The following MID1 variants were observed in gnomAD, a reference collection of about 807,000 sequenced individuals.
MID1 encodes E3 ubiquitin-protein ligase Midline-1.
MID1 carries 7 observed loss-of-function variants against 40.4 expected under a neutral mutation model. The ratio of observed to expected loss-of-function variants is 0.17; its 90% CI spans 0.10 to 0.33. The LOEUF (loss-of-function observed/expected upper bound fraction) is 0.33. MID1 is among the 10% of genes least tolerant of loss of function. MID1 has a pLI of 1.00. For missense variants in MID1, 367 were observed against 558.5 expected, an observed-to-expected ratio of 0.66 and a Z score of 3.46; for synonymous variants, 229 against 221.2, an observed-to-expected ratio of 1.04 and a Z score of -0.31.
chrX:10,503,965 A>G (rs780666033), intron 3 of MID1, among the ~76,000 whole-genome samples: 45 of 112,488 alleles, frequency 4.0e-4, no homozygotes, highest in Non-Finnish European at 6.7e-4. Flanking sequence ...GAAACTTCAC[A>G]TAAAGGAGTT....
intron 1 of MID1, among the ~76,000 whole-genome samples, chrX:10,664,264 C>A (rs1034559439): frequency 9.0e-6 from 1 of 111,387 alleles, no homozygotes; most frequent in African/African-American, 3.3e-5. Flanking sequence ...CGGGTTCAAG[C>A]GATTCTCCTG....
Position 10,680,563 on chromosome X carries a change from G to A in MID1, c.-186-60144C>T, listed in dbSNP as rs1602513542. Reference sequence around the variant, plus strand: ...TATACTCAGTGATCTTTCCTTTTCAGTCATGGAATTTGTAGTGATTGATTT... The same window carrying A: ...TATACTCAGTGATCTTTCCTTTTCAATCATGGAATTTGTAGTGATTGATTT... On this transcript the variant is annotated intron_variant, in intron 1 of 10. Transcript: ENST00000380785. Among the ~76,000 whole-genome samples, 4 of 111,531 alleles carry A rather than the reference G, an allele frequency of 3.6e-5. 1 individual carries two copies. The Admixed American group carries it at 3.8e-4, about 11-fold the overall frequency.
chrX:10,488,812 G>A (rs5979314), intron 4 of MID1, among the ~76,000 whole-genome samples: 5,594 of 111,061 alleles, frequency 0.05, 360 homozygotes, highest in African/African-American at 0.17. Context: ...TAGCCTCCCC[G>A]TCTACATCTT....
intron 1 of MID1, among the ~76,000 whole-genome samples, chrX:10,723,336 A>G (rs1000285951): frequency 2.7e-5 from 3 of 111,983 alleles, no homozygotes; most frequent in African/African-American, 9.7e-5. Context: ...AGACTTGCAT[A>G]AACAAGCCTC....
chrX:10,641,150 G>T (rs1300960129), intron 1 of MID1, among the ~76,000 whole-genome samples: 3 of 111,675 alleles, frequency 2.7e-5, no homozygotes, highest in Non-Finnish European at 3.8e-5. Flanking sequence ...CAGAAGGCAA[G>T]AAATAACTAA....
chrX:10,494,085 G>C (rs1457675234), intron 4 of MID1, among the ~76,000 whole-genome samples: 1 of 112,147 alleles, frequency 8.9e-6, no homozygotes, highest in Non-Finnish European at 1.9e-5. Flanking sequence ...TTCGTATGTG[G>C]GGAAAAGTAG....
intron 1 of MID1, among the ~76,000 whole-genome samples, chrX:10,611,860 G>T (rs773472836): frequency 9.0e-5 from 10 of 111,314 alleles, no homozygotes; most frequent in Non-Finnish European, 1.9e-4. Flanking sequence ...CCGAAGGGAT[G>T]ATGTAACTAA....
At position 10,579,425 on chromosome X, in the gene MID1, C is replaced by G. The variant is rs73479285; in HGVS notation, c.-56-11822G>C. Among the ~76,000 whole-genome samples, 739 of 111,836 alleles carry G rather than the reference C, an allele frequency of 6.6e-3. 8 individuals carry two copies. The highest frequency in any genetic ancestry group is 0.023 in the African/African-American group (696 of 30,763). ...GGAGCAAAATAGTTATTGATGATGG[C>G]CAATGCAACATTTCACAACTGTTCT... On this transcript the variant is annotated intron_variant, in intron 1 of 9. Coordinates refer to ENST00000317552, the MANE Select transcript of MID1 (RefSeq NM_000381.4).
At chrX:10,593,762 G>GACACACACACACACACACACAC (rs57390547) in intron 1 of MID1, among the ~76,000 whole-genome samples, 2 of 83,337 alleles carry the variant, frequency 2.4e-5, no homozygotes, top group Non-Finnish European at 4.8e-5. Context: ...CTGTCCCTCT[G>GACACACACACACACACACACAC]ACACACACAC....
At chrX:10,598,056 T>C (rs765143875) in intron 1 of MID1, among the ~76,000 whole-genome samples, 2 of 111,829 alleles carry the variant, frequency 1.8e-5, no homozygotes, top group East Asian at 5.6e-4. Context: ...GCTCTTGCTC[T>C]GTGCTGCCCT....
At chrX:10,638,434 GC>G (rs1936147475) in intron 1 of MID1, among the ~76,000 whole-genome samples, 1 of 112,014 alleles carries the variant, frequency 8.9e-6, no homozygotes, top group Non-Finnish European at 1.9e-5. Context: ...AGATCGAACT[GC>G]AAGGTGGCAG....
chrX:10,613,482 C>T (rs1301952779), intron 1 of MID1, among the ~76,000 whole-genome samples: 1 of 107,267 alleles, frequency 9.3e-6, no homozygotes, highest in Non-Finnish European at 1.9e-5. Context: ...CACTCACCTG[C>T]AAAATTAAAC....
chrX:10,650,228 G>C (rs1270818056), intron 1 of MID1, among the ~76,000 whole-genome samples: 5 of 110,662 alleles, frequency 4.5e-5, no homozygotes, highest in African/African-American at 1.6e-4. Flanking sequence ...CCAAAATATG[G>C]CTCCCTGGTA....
intron 1 of MID1, among the ~76,000 whole-genome samples, chrX:10,670,288 C>A (rs1400808380): frequency 8.9e-6 from 1 of 111,857 alleles, no homozygotes; most frequent in East Asian, 2.8e-4. Flanking sequence ...GAATAAAAAC[C>A]ACATTCCTTT....
intron 1 of MID1, among the ~76,000 whole-genome samples, chrX:10,568,980 C>T (rs1002614809): frequency 4.5e-5 from 5 of 111,582 alleles, no homozygotes; most frequent in Admixed American, 9.5e-5. Context: ...AAATCACCCA[C>T]GGGGGTGGTG....
intron 1 of MID1, among the ~76,000 whole-genome samples, chrX:10,764,743 T>C (rs2043708438): frequency 8.9e-6 from 1 of 112,130 alleles, no homozygotes; most frequent in African/African-American, 3.2e-5. Flanking sequence ...CATTCTGTTA[T>C]TTCTACATAT....
At chrX:10,822,349 A>C (rs1453876163) in intron 1 of MID1, among the ~76,000 whole-genome samples, 1 of 112,187 alleles carries the variant, frequency 8.9e-6, no homozygotes, top group African/African-American at 3.2e-5. Context: ...CTCAAGATGG[A>C]TTAAAGACTT....
In MID1 at chrX:10,446,868, C is replaced by T. The variant is rs1372311918; in HGVS notation, c.*2500G>A. On this transcript the variant is annotated 3_prime_UTR_variant, in exon 10 of 10. Coordinates refer to ENST00000317552, the MANE Select transcript of MID1 (RefSeq NM_000381.4). Reference sequence around the variant, plus strand: ...GTTGTATTAATTTAATTGGCACTGCCATCTCTTTTGCCCCTGTATCGCAGT... The same window carrying T: ...GTTGTATTAATTTAATTGGCACTGCTATCTCTTTTGCCCCTGTATCGCAGT... 1 of 111,624 alleles carries T rather than the reference C, an allele frequency of 9.0e-6. No individual in the cohort carries two copies. The highest frequency in any genetic ancestry group is 3.3e-5 in the African/African-American group (1 of 30,447). The allele number at this position is 111,624 out of a possible 1,213,427, so 9.2% of individuals were successfully genotyped here.
At chrX:10,614,159 C>T (rs915235090) in intron 1 of MID1, among the ~76,000 whole-genome samples, 1 of 111,016 alleles carries the variant, frequency 9.0e-6, no homozygotes, top group Non-Finnish European at 1.9e-5. Flanking sequence ...CTCAAATACT[C>T]GTGTGGATAA....
Sources: allele counts gnomAD v4.1 joint callset (sites outside exome capture counted in the v4.1 genomes callset), GRCh38; gene constraint gnomAD v4.1.1; transcripts MANE v1.5; gene names NCBI Gene and HGNC (gene_info 2026-07-23, HGNC 2026-07-21).